Variants in BBX observed in about 807,000 individuals in gnomAD.
The protein encoded by BBX is BBX high mobility group box domain containing.
In BBX, 30 loss-of-function variants were observed where a neutral mutation model predicts 100.2. The ratio of observed to expected loss-of-function variants is 0.30; its 90% CI spans 0.22 to 0.41. The LOEUF is 0.41. BBX is among the 10% of genes least tolerant of loss of function. BBX has a pLI of 1.00. For missense variants in BBX, 1,023 were observed against 1,129.8 expected (o/e 0.91, Z 1.35); for synonymous variants, 376 against 388.1 (o/e 0.97, Z 0.37).
In BBX at chr3:107,810,202, C is replaced by A. The variant is rs1474554607; in HGVS notation, c.*4745C>A. ...TTCCTTCAAATATATAAATGTGCAT[C>A]TTTTTTTTAAAAAAAAAAAAAAAAA... On this transcript the variant is annotated 3_prime_UTR_variant, in exon 18 of 18. Coordinates refer to ENST00000325805, the MANE Select transcript of BBX (RefSeq NM_001142568.3). 1 of 142,918 alleles carries A rather than the reference C, an allele frequency of 7.0e-6. No individual in the cohort carries two copies. The highest frequency in any genetic ancestry group is 1.5e-5 in the Non-Finnish European group (1 of 66,024). 8.9% of individuals were successfully genotyped at this position (142,918 alleles called of 1,614,324 possible). A position where few individuals can be genotyped will look rare whatever the true frequency, so the allele number is the denominator to read the frequency against.
chr3:107,724,711 T>C (rs999446593), intron 5 of BBX, among the ~76,000 whole-genome samples: 2 of 152,188 alleles, frequency 1.3e-5, no homozygotes, highest in African/African-American at 2.4e-5. Flanking sequence ...AAAGATCAGA[T>C]AGTTGTAGAT....
chr3:107,614,752 G>A (rs558747421), intron 2 of BBX, among the ~76,000 whole-genome samples: 1 of 152,200 alleles, frequency 6.6e-6, no homozygotes, highest in Non-Finnish European at 1.5e-5. Context: ...TTCAGGCTAT[G>A]GTTGGTTAAA....
Position 107,807,101 on chromosome 3 carries a change from G to T in BBX, c.*1644G>T, listed in dbSNP as rs2071103354. 1 of 151,884 alleles carries T rather than the reference G, an allele frequency of 6.6e-6. No individual in the cohort carries two copies. The allele number at this position is 151,884 out of a possible 1,614,324, so 9.4% of individuals were successfully genotyped here. On this transcript the variant is annotated 3_prime_UTR_variant, in exon 18 of 18. Transcript: ENST00000325805. ...AATGACTCTATTCATACTAGGTTTA[G>T]CTTCTCATGGTTGTAGATATTACTT...
At chr3:107,591,582 G>A (rs1398641928) in intron 2 of BBX, among the ~76,000 whole-genome samples, 6 of 152,184 alleles carry the variant, frequency 3.9e-5, no homozygotes, top group Admixed American at 2.6e-4. Flanking sequence ...CAACCTGCCT[G>A]CCTCAACTGA....
In BBX at chr3:107,811,009, T is replaced by G. The variant is rs1438760894; in HGVS notation, c.*5552T>G. The G allele has an allele frequency of 6.6e-6, 1 of 152,152 alleles. No homozygotes were observed. Among genetic ancestry groups the G allele is most frequent in the Admixed American group, 6.5e-5 (1 of 15,274 alleles). The allele number at this position is 152,152 out of a possible 1,614,324, so 9.4% of individuals were successfully genotyped here. A position where few individuals can be genotyped will look rare whatever the true frequency, so the allele number is the denominator to read the frequency against. On this transcript the variant is annotated 3_prime_UTR_variant, in exon 18 of 18. Transcript: ENST00000325805. ...ATTTCCACTTAATGGTACAACAGAA[T>G]TATTGCTTTCTTAGATGTATGTGTA... is the stretch of plus-strand genomic sequence containing the variant.
At chr3:107,767,369 T>C (rs2066480363) in intron 10 of BBX, among the ~76,000 whole-genome samples, 1 of 151,988 alleles carries the variant, frequency 6.6e-6, no homozygotes, top group African/African-American at 2.4e-5. Flanking sequence ...TTGTCTTCCA[T>C]TGGTACATAT....
At chr3:107,567,883 T>G (rs1442629444) in intron 2 of BBX, among the ~76,000 whole-genome samples, 1 of 152,198 alleles carries the variant, frequency 6.6e-6, no homozygotes, top group Non-Finnish European at 1.5e-5. Context: ...CTTTATATTA[T>G]TAACATGCGT....
intron 2 of BBX, among the ~76,000 whole-genome samples, chr3:107,589,909 T>C (rs778136738): frequency 1.6e-4 from 25 of 152,258 alleles, no homozygotes; most frequent in Non-Finnish European, 3.2e-4. Flanking sequence ...CTATGAATTC[T>C]GATTAGTTCT....
At chr3:107,634,143 T>G (rs1420965862) in intron 2 of BBX, among the ~76,000 whole-genome samples, 1 of 152,240 alleles carries the variant, frequency 6.6e-6, no homozygotes, top group Non-Finnish European at 1.5e-5. Context: ...GGTGATACCT[T>G]TCAGTTATAT....
intron 2 of BBX, among the ~76,000 whole-genome samples, chr3:107,615,952 G>T (rs915997536): frequency 2.8e-5 from 4 of 143,804 alleles, no homozygotes; most frequent in African/African-American, 1.0e-4. Context: ...TTCAAAGGAG[G>T]CAGTCCCCAC....
In BBX at chr3:107,582,116, G is replaced by A. The variant is rs76336379; in HGVS notation, c.-84+55718G>A. Among the ~76,000 whole-genome samples, 574 of 151,454 alleles carry A rather than the reference G, an allele frequency of 3.8e-3. 5 individuals carry two copies. The highest frequency in any genetic ancestry group is 0.013 in the African/African-American group (550 of 41,328). Reference sequence around the variant, plus strand: ...GGCATCCAATTTTCATCAAATTTTCGCCAAACCTTCTTTTTAAAAAAAAAT... The same window carrying A: ...GGCATCCAATTTTCATCAAATTTTCACCAAACCTTCTTTTTAAAAAAAAAT... On this transcript the variant is annotated intron_variant, in intron 2 of 17. Transcript: ENST00000325805.
At chr3:107,797,366 C>CTATATATATATATATATATATATA (rs2069824891) in intron 15 of BBX, among the ~76,000 whole-genome samples, 1 of 38,596 alleles carries the variant, frequency 2.6e-5, no homozygotes, top group African/African-American at 1.1e-4. Flanking sequence ...ATATATATAG[C>CTATATATATATATATATATATATA]TTTATTGCCA....
chr3:107,753,387 T>C lies in BBX; in HGVS notation c.826-2211T>C, dbSNP rs184083432. Reference sequence around the variant, plus strand: ...CTGGAAATGTTGGGCCACTAAAATATGTTGAACCTCCCCCCACACATGCCC... The same window carrying C: ...CTGGAAATGTTGGGCCACTAAAATACGTTGAACCTCCCCCCACACATGCCC... On this transcript the variant is annotated intron_variant, in intron 9 of 17. Transcript: ENST00000325805. Among the ~76,000 whole-genome samples, 48 of 152,186 alleles carry C rather than the reference T, an allele frequency of 3.2e-4. 1 individual carries two copies. The East Asian group carries it at 5.0e-3, about 16-fold the overall frequency.
chr3:107,805,322 T>C, intron 17 of BBX, 48 bp from the exon 18 acceptor site: 1 of 1,557,872 alleles, frequency 6.4e-7, no homozygotes, highest in Non-Finnish European at 8.7e-7. Flanking sequence ...CTCCTGTCTC[T>C]AATAACATAT....
At position 107,714,737 on chromosome 3, in the gene BBX, G is replaced by A. The variant is rs191362987; in HGVS notation, c.163-1870G>A. On this transcript the variant is annotated intron_variant, in intron 4 of 17. Transcript: ENST00000325805. Reference sequence around the variant, plus strand: ...TCAAGATTTTTTCTGTACTCTTTGTGTTTGAAGATAATTAATGGTTAATTG... The same window carrying A: ...TCAAGATTTTTTCTGTACTCTTTGTATTTGAAGATAATTAATGGTTAATTG... Among the ~76,000 whole-genome samples, 3 of 151,946 alleles carry A rather than the reference G, an allele frequency of 2.0e-5. No homozygotes were observed. In the East Asian group the frequency reaches 5.8e-4, roughly 29 times the overall value.
At chr3:107,564,399 G>A (rs2050722835) in intron 2 of BBX, among the ~76,000 whole-genome samples, 1 of 152,070 alleles carries the variant, frequency 6.6e-6, no homozygotes, top group Non-Finnish European at 1.5e-5. Context: ...CAGTTTGCAG[G>A]TAGTCAACTT....
intron 14 of BBX, 152 bp from the exon 15 acceptor site, chr3:107,791,088 A>G (rs2068970927): frequency 5.2e-6 from 3 of 578,398 alleles, no homozygotes; most frequent in Non-Finnish European, 6.1e-6. Context: ...GTTGGCAAAT[A>G]CCATTTTAAG....
chr3:107,603,477 C>G (rs1224144873), intron 2 of BBX, among the ~76,000 whole-genome samples: 1 of 152,030 alleles, frequency 6.6e-6, no homozygotes, highest in Non-Finnish European at 1.5e-5. Context: ...ATCCCAGGTT[C>G]AAGTGATTCT....
intron 3 of BBX, among the ~76,000 whole-genome samples, chr3:107,675,715 A>G (rs990086071): frequency 1.3e-5 from 2 of 152,346 alleles, no homozygotes; most frequent in Middle Eastern, 3.4e-3. Context: ...TATAGCGGAA[A>G]GAGTTCTGAT....
Sources: gnomAD v4.1 joint callset for allele counts (sites outside exome capture counted in the v4.1 genomes callset) on GRCh38, gnomAD v4.1.1 for gene constraint, MANE v1.5 for transcripts, NCBI Gene and HGNC (gene_info 2026-07-23, HGNC 2026-07-21) for gene names.